ERBB4: variants seen among roughly 807,000 people sequenced by gnomAD.
ERBB4 encodes the protein erb-b2 receptor tyrosine kinase 4.
A neutral mutation model predicts 158.0 loss-of-function variants in ERBB4; 42 were observed. The observed-to-expected ratio is 0.27, with a 90% CI of 0.21 to 0.34. The LOEUF is 0.34. Ranked by LOEUF, ERBB4 falls within the 10% of genes least tolerant of loss-of-function variation. The probability of loss-of-function intolerance (pLI) is 1.00; values close to 1 mark genes in which losing one functional copy is unlikely to be tolerated. For missense variants in ERBB4, 1,333 were observed against 1,624.1 expected (o/e 0.82, Z 3.08); for synonymous variants, 583 against 558.7 (o/e 1.04, Z -0.61).
intron 3 of ERBB4, among the ~76,000 whole-genome samples, chr2:211,815,170 G>A (rs1428527056): frequency 3.3e-5 from 5 of 152,006 alleles, no homozygotes; most frequent in Non-Finnish European, 5.9e-5. Flanking sequence ...ACATTTCAAC[G>A]CAAAGCAATT....
rs555777723 is a variant in ERBB4, at chr2:211,770,787, T to A, written c.556+17238A>T. Reference sequence around the variant, plus strand: ...TCAGGCTCTTAATACCTACCTCACATAACATGCAAATTAGAAATAGGGTTC... The same window carrying A: ...TCAGGCTCTTAATACCTACCTCACAAAACATGCAAATTAGAAATAGGGTTC... On this transcript the variant is annotated intron_variant, in intron 4 of 27. Coordinates refer to ENST00000342788, the MANE Select transcript of ERBB4 (RefSeq NM_005235.3). 1.2e-4 allele frequency among the ~76,000 whole-genome samples: 18 copies of A among 152,244 alleles called. No individual in the cohort carries two copies. The South Asian group carries it at 3.7e-3, about 32-fold the overall frequency.
intron 1 of ERBB4, among the ~76,000 whole-genome samples, chr2:212,139,943 A>G (rs991815017): frequency 1.3e-5 from 2 of 151,910 alleles, no homozygotes; most frequent in African/African-American, 2.4e-5. Flanking sequence ...TTTTTATTAT[A>G]GAATTCAAGT....
intron 20 of ERBB4, among the ~76,000 whole-genome samples, chr2:211,533,896 A>T (rs1204598022): frequency 6.6e-6 from 1 of 152,126 alleles, no homozygotes; most frequent in African/African-American, 2.4e-5. Flanking sequence ...ATCTAGTCAA[A>T]CATCTTCATG....
chr2:212,250,616 G>T (rs1224054986), intron 1 of ERBB4, among the ~76,000 whole-genome samples: 1 of 151,880 alleles, frequency 6.6e-6, no homozygotes, highest in African/African-American at 2.4e-5. Flanking sequence ...CATCTGAATT[G>T]ATAATATTCC....
chr2:212,202,073 G>T (rs567265895), intron 1 of ERBB4, among the ~76,000 whole-genome samples: 76 of 152,196 alleles, frequency 5.0e-4, no homozygotes, highest in African/African-American at 1.7e-3. Context: ...ATACCAATTC[G>T]GTTACAAAGC....
chr2:212,394,064 T>C (rs1304642981), intron 1 of ERBB4, among the ~76,000 whole-genome samples: 1 of 152,134 alleles, frequency 6.6e-6, no homozygotes, highest in African/African-American at 2.4e-5. Context: ...CCACTGGATC[T>C]GCCTTAAACT....
At chr2:211,975,596 T>C (rs1191807985) in intron 2 of ERBB4, among the ~76,000 whole-genome samples, 1 of 152,202 alleles carries the variant, frequency 6.6e-6, no homozygotes, top group Non-Finnish European at 1.5e-5. Flanking sequence ...TCATATTGTT[T>C]CAAATTATAT....
intron 2 of ERBB4, among the ~76,000 whole-genome samples, chr2:212,007,797 C>T (rs940450496): frequency 5.9e-5 from 9 of 151,826 alleles, no homozygotes; most frequent in African/African-American, 2.2e-4. Context: ...TAAAAATACT[C>T]CTTTGATCAA....
chr2:211,635,306 C>T (rs1043625977), intron 16 of ERBB4, among the ~76,000 whole-genome samples: 3 of 152,134 alleles, frequency 2.0e-5, no homozygotes, highest in Admixed American at 1.3e-4. Context: ...GAATCACAAA[C>T]GAATTTTGCT....
intron 2 of ERBB4, among the ~76,000 whole-genome samples, chr2:212,069,336 T>G (rs1456959068): frequency 6.6e-6 from 1 of 151,974 alleles, no homozygotes; most frequent in Non-Finnish European, 1.5e-5. Flanking sequence ...GTCATCTCAA[T>G]TGGTACAGAA....
intron 1 of ERBB4, among the ~76,000 whole-genome samples, chr2:212,342,330 G>A (rs1163291356): frequency 1.3e-5 from 2 of 152,098 alleles, no homozygotes; most frequent in South Asian, 2.1e-4. Context: ...GAATCATGGG[G>A]GTGGGTTTTT....
chr2:211,388,046 A>C (rs1198168794), intron 25 of ERBB4, 54 bp from the exon 26 acceptor site: 1 of 1,318,616 alleles, frequency 7.6e-7, no homozygotes, highest in Non-Finnish European at 1.1e-6. Flanking sequence ...ATATGAATGA[A>C]AAAATTAAAA....
intron 2 of ERBB4, among the ~76,000 whole-genome samples, chr2:212,024,985 C>A (rs2076740752): frequency 6.6e-6 from 1 of 151,756 alleles, no homozygotes; most frequent in South Asian, 2.1e-4. Context: ...ATAAGGGCTA[C>A]CAGTACCTCC....
intron 1 of ERBB4, among the ~76,000 whole-genome samples, chr2:212,520,689 C>T (rs1692109267): frequency 6.6e-6 from 1 of 152,042 alleles, no homozygotes; most frequent in East Asian, 1.9e-4. Flanking sequence ...AAAAAGTTTC[C>T]ACATTGGTTG....
At chr2:212,094,739 C>A (rs537950690) in intron 2 of ERBB4, among the ~76,000 whole-genome samples, 3 of 152,206 alleles carry the variant, frequency 2.0e-5, no homozygotes, top group African/African-American at 7.2e-5. Flanking sequence ...GCCTGCAGAA[C>A]TGTCAGCCAA....
chr2:211,570,343 T>TC (rs1491276568), intron 19 of ERBB4, among the ~76,000 whole-genome samples: 1 of 147,606 alleles, frequency 6.8e-6, no homozygotes, highest in Non-Finnish European at 1.5e-5. Flanking sequence ...TTTTTTTTTT[T>TC]CTCAGTAGAG....
intron 1 of ERBB4, among the ~76,000 whole-genome samples, chr2:212,166,673 C>T (rs1010377343): frequency 1.4e-4 from 21 of 152,058 alleles, no homozygotes; most frequent in African/African-American, 4.6e-4. Context: ...GGAGGCATCA[C>T]GCTACCTGAC....
intron 2 of ERBB4, among the ~76,000 whole-genome samples, chr2:212,102,981 T>A (rs1255079994): frequency 6.6e-6 from 1 of 152,168 alleles, no homozygotes; most frequent in Non-Finnish European, 1.5e-5. Flanking sequence ...ACTTCTGCTC[T>A]TCTCCACTTC....
Position 211,532,151 on chromosome 2 carries a change from TG to T in ERBB4, c.2487+29751del, listed in dbSNP as rs35328583. Among the ~76,000 whole-genome samples the T allele has an allele frequency of 8.0e-3, 1,203 of 151,100 alleles. 14 individuals are homozygous for T. The highest frequency in any genetic ancestry group is 0.027 in the African/African-American group (1,132 of 41,246). On this transcript the variant is annotated intron_variant, in intron 20 of 27. Transcript: ENST00000342788. The stretch of plus-strand genomic sequence containing the variant: ...TGTCACCAGAGTCTGGGAAGGGTTG[TG>T]GGGGGGGAAAGTAGGTATGGTCAAT...
Sources: gnomAD v4.1 joint callset for allele counts (sites outside exome capture counted in the v4.1 genomes callset) on GRCh38, gnomAD v4.1.1 for gene constraint, MANE v1.5 for transcripts, NCBI Gene and HGNC (gene_info 2026-07-23, HGNC 2026-07-21) for gene names.